The following FHIT variants were observed in gnomAD, a reference collection of about 807,000 sequenced individuals.
FHIT encodes fragile histidine triad diadenosine triphosphatase.
Under a neutral mutation model 17.9 loss-of-function variants are expected in FHIT, and 19 were observed. The ratio of observed to expected loss-of-function variants is 1.06; its 90% CI spans 0.74 to 1.56. FHIT has a LOEUF of 1.56. Among genes scored for constraint, FHIT ranks in the 40% most tolerant of loss-of-function variants. The probability of loss-of-function intolerance (pLI) is 0.00; values close to 1 mark genes in which losing one functional copy is unlikely to be tolerated. For missense variants in FHIT, 248 were observed against 189.2 expected (o/e 1.31, Z -1.82); for synonymous variants, 81 against 69.7 (o/e 1.16, Z -0.81).
chr3:61,192,396 C>T (rs543275568), intron 2 of FHIT, among the ~76,000 whole-genome samples: 1 of 152,306 alleles, frequency 6.6e-6, no homozygotes, highest in African/African-American at 2.4e-5. Flanking sequence ...CCCTGCTACA[C>T]AGTGACAACC....
intron 5 of FHIT, among the ~76,000 whole-genome samples, chr3:60,390,368 C>A (rs1576584890): frequency 1.8e-5 from 2 of 112,574 alleles, no homozygotes; most frequent in Admixed American, 1.2e-4. Flanking sequence ...ACATAGATGA[C>A]AGTGGTCCCT....
chr3:59,982,340 T>C (rs1049290319), intron 7 of FHIT, among the ~76,000 whole-genome samples: 1 of 152,276 alleles, frequency 6.6e-6, no homozygotes. Context: ...CAAGAAACTT[T>C]TGAGATTCCA....
intron 7 of FHIT, among the ~76,000 whole-genome samples, chr3:59,979,620 T>G (rs568186362): frequency 6.6e-6 from 1 of 152,098 alleles, no homozygotes; most frequent in African/African-American, 2.4e-5. Flanking sequence ...TAAGCCCATT[T>G]AGAACGTGTA....
intron 5 of FHIT, among the ~76,000 whole-genome samples, chr3:60,300,290 T>C (rs1483589081): frequency 6.6e-6 from 1 of 152,124 alleles, no homozygotes; most frequent in Non-Finnish European, 1.5e-5. Flanking sequence ...TCTTGACTGT[T>C]ATCACAACAG....
At chr3:60,755,183 G>A (rs782262372) in intron 4 of FHIT, among the ~76,000 whole-genome samples, 1 of 152,118 alleles carries the variant, frequency 6.6e-6, no homozygotes, top group Non-Finnish European at 1.5e-5. Flanking sequence ...GAATCTACCA[G>A]GACTCTCAAA....
chr3:59,768,526 G>T (rs1195637420), intron 8 of FHIT, among the ~76,000 whole-genome samples: 2 of 152,156 alleles, frequency 1.3e-5, no homozygotes, highest in Non-Finnish European at 2.9e-5. Context: ...GACACTTATT[G>T]TACATGCCTT....
intron 3 of FHIT, among the ~76,000 whole-genome samples, chr3:60,875,538 C>A (rs1553756262): frequency 6.6e-6 from 1 of 152,096 alleles, no homozygotes; most frequent in Non-Finnish European, 1.5e-5. Flanking sequence ...ATGGGCCTCT[C>A]CCATTTTTCA....
intron 5 of FHIT, among the ~76,000 whole-genome samples, chr3:60,147,556 T>G (rs953784640): frequency 1.3e-5 from 2 of 152,174 alleles, no homozygotes; most frequent in African/African-American, 4.8e-5. Context: ...CTCTGTGGCT[T>G]TATACTGCAT....
intron 5 of FHIT, among the ~76,000 whole-genome samples, chr3:60,179,830 C>T (rs995781137): frequency 6.6e-5 from 10 of 152,106 alleles, no homozygotes; most frequent in Admixed American, 2.6e-4. Flanking sequence ...TCTCTCTAAA[C>T]GGGTTCTCTT....
At chr3:60,268,757 A>C (rs976812092) in intron 5 of FHIT, among the ~76,000 whole-genome samples, 6 of 152,172 alleles carry the variant, frequency 3.9e-5, no homozygotes, top group African/African-American at 1.2e-4. Flanking sequence ...AGAACCTCTG[A>C]ATATGCTTAC....
chr3:60,691,696 C>T (rs1020227398), intron 4 of FHIT, among the ~76,000 whole-genome samples: 1 of 152,142 alleles, frequency 6.6e-6, no homozygotes, highest in Middle Eastern at 3.2e-3. Context: ...GATTTCTTTT[C>T]AGCTTCCAAC....
intron 8 of FHIT, among the ~76,000 whole-genome samples, chr3:59,758,223 G>A (rs1391179834): frequency 1.3e-5 from 2 of 152,266 alleles, no homozygotes; most frequent in South Asian, 2.1e-4. Context: ...GAACAGCTTC[G>A]TTAAACACAT....
intron 5 of FHIT, among the ~76,000 whole-genome samples, chr3:60,461,052 ACTCC>A (rs1346009055): frequency 2.0e-5 from 3 of 151,240 alleles, no homozygotes; most frequent in Non-Finnish European, 4.4e-5. Context: ...CTTTAAGAAA[ACTCC>A]CTTAACGTTA....
chr3:60,112,410 A>T (rs1402477278), intron 5 of FHIT, among the ~76,000 whole-genome samples: 2 of 152,166 alleles, frequency 1.3e-5, no homozygotes, highest in East Asian at 3.9e-4. Context: ...CCCGAGTTTC[A>T]GAAGCCTGAT....
At chr3:59,892,822 T>C (rs1393273384) in intron 8 of FHIT, among the ~76,000 whole-genome samples, 2 of 152,194 alleles carry the variant, frequency 1.3e-5, no homozygotes, top group Admixed American at 6.5e-5. Context: ...CCATCAATTA[T>C]AAAAATATTG....
intron 2 of FHIT, among the ~76,000 whole-genome samples, chr3:61,059,022 C>G (rs936234117): frequency 1.3e-5 from 2 of 152,180 alleles, no homozygotes; most frequent in African/African-American, 4.8e-5. Flanking sequence ...ACTCTGGGAA[C>G]TGCTGGTCAC....
intron 5 of FHIT, among the ~76,000 whole-genome samples, chr3:60,409,061 T>G (rs903077662): frequency 1.3e-5 from 2 of 152,168 alleles, no homozygotes; most frequent in Admixed American, 6.5e-5. Context: ...TACTATTTAT[T>G]TGATCCTCAG....
chr3:60,580,074 A>G (rs1349152037), intron 4 of FHIT, among the ~76,000 whole-genome samples: 3 of 152,182 alleles, frequency 2.0e-5, no homozygotes, highest in African/African-American at 7.2e-5. Context: ...GGTGATGAAT[A>G]AAATTCCTTC....
chr3:60,245,817 G>GTAAGCATA (rs761136877), intron 5 of FHIT, among the ~76,000 whole-genome samples: 31 of 151,974 alleles, frequency 2.0e-4, no homozygotes, highest in Admixed American at 1.2e-3. Flanking sequence ...AGAAACTATG[G>GTAAGCATA]TAAGCATACA....
Sources: allele counts gnomAD v4.1 joint callset (sites outside exome capture counted in the v4.1 genomes callset), GRCh38; gene constraint gnomAD v4.1.1; transcripts MANE v1.5; gene names NCBI Gene and HGNC (gene_info 2026-07-23, HGNC 2026-07-21).